MLLT3: variants seen among roughly 807,000 people sequenced by gnomAD.
MLLT3 encodes protein AF-9.
A neutral mutation model predicts 53.2 loss-of-function variants in MLLT3; 4 were observed. That is an observed-to-expected ratio of 0.08 (90% CI 0.04 to 0.17). MLLT3 has a LOEUF of 0.17. Ranked by LOEUF, MLLT3 falls within the 10% of genes least tolerant of loss-of-function variation. The pLI, the probability that MLLT3 is intolerant of heterozygous loss-of-function variation, is 1.00. For synonymous variants in MLLT3, 283 were observed against 230.6 expected, an observed-to-expected ratio of 1.23 and a Z score of -2.06; for missense variants, 569 against 684.0, an observed-to-expected ratio of 0.83 and a Z score of 1.87.
intron 5 of MLLT3, among the ~76,000 whole-genome samples, chr9:20,390,543 C>T (rs563238440): frequency 6.6e-6 from 1 of 152,152 alleles, no homozygotes; most frequent in African/African-American, 2.4e-5. Context: ...ACAAACAGTG[C>T]TCAACAACCC....
chr9:20,550,483 T>C (rs889559541), intron 2 of MLLT3, among the ~76,000 whole-genome samples: 7 of 152,192 alleles, frequency 4.6e-5, no homozygotes, highest in Non-Finnish European at 5.9e-5. Context: ...CAGGCTGGAA[T>C]GCAGTGGCAC....
At chr9:20,350,172 G>GCCTTTCTA (rs1172793887) in intron 10 of MLLT3, among the ~76,000 whole-genome samples, 1 of 152,188 alleles carries the variant, frequency 6.6e-6, no homozygotes, top group African/African-American at 2.4e-5. Context: ...ACTCCACTGT[G>GCCTTTCTA]CCTTTCTACA....
rs527475158 is a variant in MLLT3, at chr9:20,362,610, A to G, written c.1331+866T>C. On this transcript the variant is annotated intron_variant, in intron 7 of 10. Transcript: ENST00000380338. ...ATGACCATAAAAAACAGTCACTGAG[A>G]TATCTAATGGGGCACACACCCTGAG... 4 of 151,924 alleles carry G rather than the reference A, an allele frequency of 2.6e-5. No individual in the cohort carries two copies. In the South Asian group the frequency reaches 6.3e-4, roughly 24 times the overall value. 9.4% of individuals were successfully genotyped at this position (151,924 alleles called of 1,614,324 possible). A position where few individuals can be genotyped will look rare whatever the true frequency, so the allele number is the denominator to read the frequency against.
At chr9:20,476,063 T>G (rs759483078) in intron 2 of MLLT3, among the ~76,000 whole-genome samples, 11 of 152,086 alleles carry the variant, frequency 7.2e-5, no homozygotes, top group Non-Finnish European at 1.3e-4. Flanking sequence ...GCTGTTTTTT[T>G]TGTGTATTTT....
chr9:20,532,541 C>T (rs941802735), intron 2 of MLLT3: 8 of 221,548 alleles, frequency 3.6e-5, no homozygotes, highest in East Asian at 1.0e-4. Flanking sequence ...TCTCTCCTTC[C>T]GCCACCCAAG....
At chr9:20,356,028 G>A (rs564727814) in intron 8 of MLLT3, among the ~76,000 whole-genome samples, 21 of 152,236 alleles carry the variant, frequency 1.4e-4, no homozygotes, top group African/African-American at 4.1e-4. Flanking sequence ...TTTTTGGACC[G>A]CAAAGGATGA....
At chr9:20,463,693 C>G (rs1824167569) in intron 2 of MLLT3, among the ~76,000 whole-genome samples, 1 of 152,096 alleles carries the variant, frequency 6.6e-6, no homozygotes, top group African/African-American at 2.4e-5. Flanking sequence ...AATAGAAAAA[C>G]TGTATCTTCA....
At chr9:20,433,027 C>G (rs1823316046) in intron 4 of MLLT3, among the ~76,000 whole-genome samples, 1 of 151,992 alleles carries the variant, frequency 6.6e-6, no homozygotes, top group African/African-American at 2.4e-5. Context: ...GGAGCTAACG[C>G]AAGTGATGAA....
At chr9:20,459,294 T>G (rs1343104913) in intron 2 of MLLT3, among the ~76,000 whole-genome samples, 3 of 152,204 alleles carry the variant, frequency 2.0e-5, no homozygotes, top group Non-Finnish European at 4.4e-5. Flanking sequence ...TAAGTTTCTC[T>G]AATAGAAAAA....
intron 4 of MLLT3, among the ~76,000 whole-genome samples, chr9:20,444,917 C>G (rs1172282654): frequency 1.3e-5 from 2 of 150,414 alleles, no homozygotes; most frequent in Non-Finnish European, 2.9e-5. Flanking sequence ...CACAGTAAGA[C>G]CCTGTCTCTA....
intron 2 of MLLT3, among the ~76,000 whole-genome samples, chr9:20,494,709 A>G (rs1825033146): frequency 6.6e-6 from 1 of 152,182 alleles, no homozygotes; most frequent in Admixed American, 6.5e-5. Context: ...TCCTTGAAAC[A>G]GACAAATTTC....
chr9:20,430,465 ACT>A (rs1400467970), intron 4 of MLLT3, among the ~76,000 whole-genome samples: 1 of 152,116 alleles, frequency 6.6e-6, no homozygotes, highest in East Asian at 1.9e-4. Flanking sequence ...TTCCAAACAG[ACT>A]CATAAATATT....
intron 2 of MLLT3, among the ~76,000 whole-genome samples, chr9:20,532,310 G>GA (rs148443498): frequency 0.16 from 21,621 of 138,246 alleles, 1,867 homozygotes; most frequent in East Asian, 0.33. Flanking sequence ...AAAAAAATAG[G>GA]AAAAAAAAAT....
In MLLT3 at chr9:20,576,812, A is replaced by G. The variant is rs139357375; in HGVS notation, c.193+43842T>C. ...GAAATGGAGCAAATAGATTTGCTCA[A>G]TGAAGGGTTGTGGCACAAACTTTCA... On this transcript the variant is annotated intron_variant, in intron 2 of 10. Transcript: ENST00000380338. 5.3e-3 allele frequency among the ~76,000 whole-genome samples: 807 copies of G among 152,286 alleles called. 2 individuals carry two copies. The highest frequency in any genetic ancestry group is 7.6e-3 in the Non-Finnish European group (520 of 68,016).
chr9:20,489,188 A>C (rs1369576168), intron 2 of MLLT3, among the ~76,000 whole-genome samples: 1 of 152,112 alleles, frequency 6.6e-6, no homozygotes, highest in Non-Finnish European at 1.5e-5. Context: ...GAGGTAGGGG[A>C]CTGGCATGTC....
At chr9:20,515,040 G>T (rs1253519914) in intron 2 of MLLT3, among the ~76,000 whole-genome samples, 1 of 149,370 alleles carries the variant, frequency 6.7e-6, no homozygotes, top group Non-Finnish European at 1.5e-5. Context: ...TCTGCCTCCC[G>T]GGTTCAGGCG....
chr9:20,622,244 C>G lies in MLLT3; in HGVS notation c.12+1G>C. On this transcript the variant is annotated splice_donor_variant, in intron 1 of 10. Transcript: ENST00000380338. LOFTEE classifies it high-confidence loss of function. ...TTATTATTATTTTTGCGCGTACTTA[C>G]CGAGCTAGCCATGCCTGGGGGCCCG... The G allele has an allele frequency of 6.2e-7, 1 of 1,601,378 alleles. No homozygotes were observed. The highest frequency in any genetic ancestry group is 8.5e-7 in the Non-Finnish European group (1 of 1,173,342).
intron 2 of MLLT3, among the ~76,000 whole-genome samples, chr9:20,493,367 A>G (rs1422959822): frequency 1.3e-5 from 2 of 151,966 alleles, no homozygotes; most frequent in East Asian, 3.8e-4. Flanking sequence ...GACCTATCCA[A>G]CTCCAGCTTA....
intron 2 of MLLT3, among the ~76,000 whole-genome samples, chr9:20,585,976 T>C (rs955276646): frequency 6.6e-6 from 1 of 152,170 alleles, no homozygotes; most frequent in Non-Finnish European, 1.5e-5. Context: ...GCAACCATTA[T>C]CTTTTCCTCA....
Sources: gnomAD v4.1 joint callset for allele counts (sites outside exome capture counted in the v4.1 genomes callset) on GRCh38, gnomAD v4.1.1 for gene constraint, MANE v1.5 for transcripts, NCBI Gene and HGNC (gene_info 2026-07-23, HGNC 2026-07-21) for gene names.